HELLS: variants seen among roughly 807,000 people sequenced by gnomAD.
The protein encoded by HELLS is lymphoid-specific helicase.
Under a neutral mutation model 120.0 loss-of-function variants are expected in HELLS, and 32 were observed. The observed-to-expected ratio is 0.27, with a 90% confidence interval of 0.20 to 0.36. The LOEUF is 0.36. Ranked by LOEUF, HELLS falls within the 10% of genes least tolerant of loss-of-function variation. The pLI, the probability that HELLS is intolerant of heterozygous loss-of-function variation, is 1.00. For missense variants in HELLS, 650 were observed against 993.4 expected (o/e 0.65, Z 4.65); for synonymous variants, 341 against 323.4 (o/e 1.05, Z -0.58).
intron 10 of HELLS, among the ~76,000 whole-genome samples, chr10:94,579,734 G>T (rs963529068): frequency 3.3e-5 from 5 of 151,604 alleles, no homozygotes; most frequent in African/African-American, 1.2e-4. Context: ...GTAGGAACAG[G>T]GTGTCTCAAG....
chr10:94,550,245 T>C (rs1346762759), intron 2 of HELLS, among the ~76,000 whole-genome samples: 1 of 151,234 alleles, frequency 6.6e-6, no homozygotes, highest in Non-Finnish European at 1.5e-5. Context: ...GAAAAATTTT[T>C]CCAGGAGCAC....
At chr10:94,610,286 G>T (rs1438556506) in exon 10 of HELLS, 1 of 152,042 alleles carries the variant, frequency 6.6e-6, no homozygotes, top group African/African-American at 2.4e-5. Flanking sequence ...AAAAAATACT[G>T]TTTCCTAGAA....
At chr10:94,599,980 T>G (rs1440194422) in intron 21 of HELLS, among the ~76,000 whole-genome samples, 1 of 152,148 alleles carries the variant, frequency 6.6e-6, no homozygotes, top group Non-Finnish European at 1.5e-5. Flanking sequence ...ATTCTTGAAT[T>G]TTTCTTCTAA....
At chr10:94,579,063 T>A (rs1357642110) in intron 10 of HELLS, among the ~76,000 whole-genome samples, 3 of 152,182 alleles carry the variant, frequency 2.0e-5, no homozygotes, top group Non-Finnish European at 4.4e-5. Context: ...CCTACAGGTC[T>A]GTGACCTGGG....
Position 94,571,445 on chromosome 10 carries a change from T to C in HELLS, c.477+16T>C, listed in dbSNP as rs367900940. The C allele has an allele frequency of 2.6e-5, 38 of 1,487,592 alleles. No individual in the cohort carries two copies. Among genetic ancestry groups the C allele is most frequent in the African/African-American group, 9.7e-5 (7 of 72,210 alleles). The allele number at this position is 1,487,592 out of a possible 1,614,324, so 92.1% of individuals were successfully genotyped here. A position where few individuals can be genotyped will look rare whatever the true frequency, so the allele number is the denominator to read the frequency against. ...GGAGAATGAGGTAAGAAATTTATAA[T>C]GTAAGATTAAGTTTAGAAGTCATAT... On this transcript the variant is annotated intron_variant, in intron 7 of 21. Coordinates refer to ENST00000348459, the MANE Select transcript of HELLS (RefSeq NM_018063.5).
intron 2 of HELLS, among the ~76,000 whole-genome samples, chr10:94,548,791 C>T (rs868834339): frequency 9.9e-5 from 15 of 152,074 alleles, no homozygotes; most frequent in African/African-American, 3.4e-4. Flanking sequence ...GTCAGGAGTT[C>T]GAGACCAGTT....
At chr10:94,579,848 T>C (rs1312641053) in intron 10 of HELLS, among the ~76,000 whole-genome samples, 3 of 152,090 alleles carry the variant, frequency 2.0e-5, no homozygotes, top group African/African-American at 7.2e-5. Flanking sequence ...CTCAGTAGTA[T>C]AACATGAAGA....
At chr10:94,562,900 C>T (rs1395647077) in intron 6 of HELLS, 24 bp downstream of exon 6, 2 of 1,410,776 alleles carry the variant, frequency 1.4e-6, no homozygotes, top group Non-Finnish European at 2.0e-6. Context: ...GGAGAGGGCA[C>T]CTAACATTTG....
At chr10:94,546,189 CTG>C (rs988188679) in intron 1 of HELLS, among the ~76,000 whole-genome samples, 186 bp from the exon 2 acceptor site, 4 of 152,142 alleles carry the variant, frequency 2.6e-5, no homozygotes, top group Non-Finnish European at 5.9e-5. Context: ...GAGTTGTAAA[CTG>C]TGGTCCAGGC....
chr10:94,588,209 T>C lies in HELLS; in HGVS notation c.1327-20T>C. ...AGAATGTTTAATACTCATATTTTTC[T>C]GTTCATGTTTTAATTTTAGATTTTA... On this transcript the variant is annotated intron_variant, in intron 12 of 21. Transcript: ENST00000348459. 6.8e-7 allele frequency: 1 copy of C among 1,480,178 alleles called. No individual in the cohort carries two copies. The highest frequency in any genetic ancestry group is 9.3e-7 in the Non-Finnish European group (1 of 1,069,792). The allele number at this position is 1,480,178 out of a possible 1,614,324, so 91.7% of individuals were successfully genotyped here.
chr10:94,604,741 T>C (rs971584706), downstream of HELLS, among the ~76,000 whole-genome samples: 1 of 152,214 alleles, frequency 6.6e-6, no homozygotes. Context: ...ATTAAAGCTT[T>C]AGATAAGCCA....
At chr10:94,550,012 C>T (rs574451539) in intron 2 of HELLS, among the ~76,000 whole-genome samples, 260 of 152,276 alleles carry the variant, frequency 1.7e-3, no homozygotes, top group African/African-American at 5.7e-3. Flanking sequence ...CCTCTGCCTC[C>T]GGGGTTCAAG....
chr10:94,588,585 T>C (rs1423082043), intron 13 of HELLS, among the ~76,000 whole-genome samples, 195 bp downstream of exon 13: 1 of 152,178 alleles, frequency 6.6e-6, no homozygotes, highest in Non-Finnish European at 1.5e-5. Flanking sequence ...TTCGCCATGT[T>C]TCCCAGGTTG....
chr10:94,557,674 G>A (rs893282216), intron 3 of HELLS, among the ~76,000 whole-genome samples: 1 of 152,162 alleles, frequency 6.6e-6, no homozygotes, highest in African/African-American at 2.4e-5. Context: ...CTCAGCCTGA[G>A]AGAGAGATAA....
At chr10:94,550,221 AT>A (rs774628188) in intron 2 of HELLS, among the ~76,000 whole-genome samples, 47 of 145,462 alleles carry the variant, frequency 3.2e-4, no homozygotes, top group Admixed American at 7.6e-4. Context: ...TGCCCAGCTG[AT>A]TTTTTTTTTT....
In HELLS at chr10:94,546,030, T is replaced by A. The variant is rs1589691299; in HGVS notation, c.31+78T>A. ...GGCAAGCATGGAGGCTGCGGCGGAGTTTCGGGGAGGGAGCCGACCCCGGGC... is the reference window on the plus strand; with the variant it reads ...GGCAAGCATGGAGGCTGCGGCGGAGATTCGGGGAGGGAGCCGACCCCGGGC... On this transcript the variant is annotated intron_variant, in intron 1 of 21. Transcript: ENST00000348459. 32 of 1,509,664 alleles carry A rather than the reference T, an allele frequency of 2.1e-5. 1 individual carries two copies. In the South Asian group the frequency reaches 3.9e-4, roughly 18 times the overall value. 93.5% of individuals were successfully genotyped at this position (1,509,664 alleles called of 1,614,324 possible).
chr10:94,605,303 G>T (rs746536543), downstream of HELLS, among the ~76,000 whole-genome samples: 64 of 151,966 alleles, frequency 4.2e-4, 1 homozygote, highest in Admixed American at 1.8e-3. Flanking sequence ...CGCTGGTCTC[G>T]AACTCCTGAC....
intron 10 of HELLS, among the ~76,000 whole-genome samples, chr10:94,580,142 TATATATATATATATATATATAC>T (rs1291946481): frequency 8.3e-5 from 6 of 72,380 alleles, no homozygotes; most frequent in South Asian, 9.4e-4. Context: ...TATATATATA[TATATATATATATATATATATAC>T]ACACACACAC....
At position 94,582,399 on chromosome 10, in the gene HELLS, C is replaced by T. The variant is rs558896622; in HGVS notation, c.1230-564C>T. Among the ~76,000 whole-genome samples the T allele has an allele frequency of 2.0e-4, 31 of 152,214 alleles. No individual in the cohort carries two copies. The South Asian group carries it at 3.9e-3, about 19-fold the overall frequency. The stretch of plus-strand genomic sequence containing the variant: ...TCCAAGTTTGGGAACTTCTAGTCTA[C>T]TGCATAAATGTTACTAGCATTTTCC... On this transcript the variant is annotated intron_variant, in intron 11 of 21. Coordinates refer to ENST00000348459, the MANE Select transcript of HELLS (RefSeq NM_018063.5).
Sources: allele counts gnomAD v4.1 joint callset (sites outside exome capture counted in the v4.1 genomes callset), GRCh38; gene constraint gnomAD v4.1.1; transcripts MANE v1.5; gene names NCBI Gene and HGNC (gene_info 2026-07-23, HGNC 2026-07-21).